FBXW7: variants seen among roughly 807,000 people sequenced by gnomAD.
FBXW7 encodes the protein F-box/WD repeat-containing protein 7.
Under a neutral mutation model 86.3 loss-of-function variants are expected in FBXW7, and 11 were observed. The ratio of observed to expected loss-of-function variants is 0.13; its 90% CI spans 0.08 to 0.21. The LOEUF (loss-of-function observed/expected upper bound fraction) is 0.21. FBXW7 is among the 10% of genes least tolerant of loss of function. FBXW7 has a pLI of 1.00. For synonymous variants in FBXW7, 313 were observed against 297.9 expected, an observed-to-expected ratio of 1.05 and a Z score of -0.52; for missense variants, 488 against 847.4, an observed-to-expected ratio of 0.58 and a Z score of 5.27.
intron 2 of FBXW7, among the ~76,000 whole-genome samples, chr4:152,455,882 T>C (rs1742355389): frequency 6.6e-6 from 1 of 152,132 alleles, no homozygotes; most frequent in Non-Finnish European, 1.5e-5. Context: ...ACCTGGACAA[T>C]CCTGGCTAAT....
intron 2 of FBXW7, among the ~76,000 whole-genome samples, chr4:152,518,557 G>A (rs1357907756): frequency 6.6e-6 from 1 of 152,120 alleles, no homozygotes; most frequent in Non-Finnish European, 1.5e-5. Context: ...TCAGCCTCTC[G>A]AGTAACTGGG....
At chr4:152,361,038 T>A (rs1732889873) in intron 4 of FBXW7, among the ~76,000 whole-genome samples, 1 of 151,970 alleles carries the variant, frequency 6.6e-6, no homozygotes. Flanking sequence ...TGAATCAAAG[T>A]CTGTGAATTC....
intron 2 of FBXW7, among the ~76,000 whole-genome samples, chr4:152,495,706 T>C (rs1323757259): frequency 6.6e-6 from 1 of 152,110 alleles, no homozygotes; most frequent in Non-Finnish European, 1.5e-5. Context: ...CTCCATACAT[T>C]AACACACACA....
At chr4:152,362,828 C>CAAAAAAAAAA (rs35796895) in intron 4 of FBXW7, among the ~76,000 whole-genome samples, 30 of 79,040 alleles carry the variant, frequency 3.8e-4, no homozygotes, top group Non-Finnish European at 5.6e-4. Context: ...CTCTCTCTCT[C>CAAAAAAAAAA]AAAAAAAAAA....
chr4:152,533,774 G>A (rs778701339), intron 2 of FBXW7, among the ~76,000 whole-genome samples: 12 of 152,132 alleles, frequency 7.9e-5, no homozygotes, highest in Non-Finnish European at 1.6e-4. Flanking sequence ...TAAACTTGCA[G>A]AACTCATTAC....
intron 4 of FBXW7, among the ~76,000 whole-genome samples, chr4:152,410,292 G>C (rs1369423516): frequency 6.6e-6 from 1 of 152,116 alleles, no homozygotes; most frequent in Non-Finnish European, 1.5e-5. Context: ...CAAGACTAGG[G>C]GGGCAAAAGG....
At chr4:152,332,068 A>G (rs1486344796) in intron 8 of FBXW7, among the ~76,000 whole-genome samples, 1 of 151,962 alleles carries the variant, frequency 6.6e-6, no homozygotes, top group Non-Finnish European at 1.5e-5. Flanking sequence ...TATTTTTTCA[A>G]AAATATTTTT....
intron 2 of FBXW7, among the ~76,000 whole-genome samples, chr4:152,449,352 T>A (rs550392399): frequency 1.2e-4 from 19 of 152,332 alleles, no homozygotes; most frequent in African/African-American, 4.3e-4. Context: ...TACAAATCTT[T>A]GAGGACTGAT....
Position 152,411,468 on chromosome 4 carries a change from A to C in FBXW7, c.336T>G (p.Asp112Glu), listed in dbSNP as rs1190157909. 15 of 1,612,942 alleles carry C rather than the reference A, an allele frequency of 9.3e-6. No homozygotes were observed. The Admixed American group carries it at 1.0e-4, about 11-fold the overall frequency. Residue 112 changes from aspartate (D) to glutamate (E), a missense_variant, in exon 4 of 14, where the codon GAT becomes GAG. Asp to Glu is a conservative substitution (Grantham distance 45). Around this residue, in one of 4 missense-constraint regions of FBXW7, gnomAD observed 230 missense variants for 240.0 expected, o/e 0.96. Transcript: ENST00000281708. ...CCTGGTCCATCTCCTCCTCCTCCTC[A>C]TCCTCCTCATCTTGTTCACCAGCAT... ...EEHAGEQDEEDEEEEEMDQES... is the reference protein window; with the variant it reads ...EEHAGEQDEEEEEEEEMDQES...
intron 2 of FBXW7, among the ~76,000 whole-genome samples, chr4:152,525,071 G>A (rs1749384620): frequency 6.6e-6 from 1 of 152,120 alleles, no homozygotes; most frequent in African/African-American, 2.4e-5. Context: ...TCATTATAAA[G>A]TCTTTTTTGA....
intron 2 of FBXW7, among the ~76,000 whole-genome samples, chr4:152,483,289 A>G (rs1157543402): frequency 6.6e-6 from 1 of 152,080 alleles, no homozygotes; most frequent in Non-Finnish European, 1.5e-5. Flanking sequence ...ATATGTTACA[A>G]ATATTTTTCT....
At chr4:152,387,618 A>AC (rs1254346757) in intron 4 of FBXW7, among the ~76,000 whole-genome samples, 2 of 151,504 alleles carry the variant, frequency 1.3e-5, no homozygotes, top group Non-Finnish European at 2.9e-5. Flanking sequence ...AAAAAAAAAA[A>AC]AAAAAACATC....
intron 4 of FBXW7, among the ~76,000 whole-genome samples, chr4:152,409,736 T>C (rs1560861529): frequency 6.6e-6 from 1 of 151,098 alleles, no homozygotes; most frequent in Non-Finnish European, 1.5e-5. Context: ...ACATCTATAC[T>C]GTACATGTGT....
intron 4 of FBXW7, among the ~76,000 whole-genome samples, chr4:152,353,367 T>C (rs1197875255): frequency 1.3e-5 from 2 of 152,236 alleles, no homozygotes; most frequent in Non-Finnish European, 2.9e-5. Context: ...ATCTAAGTTA[T>C]ATTTCAAACT....
chr4:152,352,891 C>A (rs774642439), intron 4 of FBXW7: 3 of 1,449,494 alleles, frequency 2.1e-6, no homozygotes, highest in Non-Finnish European at 2.7e-6. Flanking sequence ...CAGAATGGTG[C>A]AGTCCAGGAT....
At chr4:152,391,031 T>C (rs559764517) in intron 4 of FBXW7, among the ~76,000 whole-genome samples, 52 of 152,126 alleles carry the variant, frequency 3.4e-4, no homozygotes, top group African/African-American at 1.2e-3. Flanking sequence ...AGGGGGACAT[T>C]ATTTCCTATA....
intron 6 of FBXW7, among the ~76,000 whole-genome samples, chr4:152,341,326 G>C (rs764383124): frequency 2.6e-5 from 4 of 152,112 alleles, no homozygotes; most frequent in African/African-American, 9.7e-5. Context: ...GGCACACTCA[G>C]CTTCACAGCA....
chr4:152,351,340 G>A (rs1292670376), intron 4 of FBXW7, among the ~76,000 whole-genome samples: 2 of 152,120 alleles, frequency 1.3e-5, no homozygotes, highest in South Asian at 2.1e-4. Context: ...ACGACATTAG[G>A]GGCTAGAGGT....
At chr4:152,490,727 C>T (rs1366884675) in intron 2 of FBXW7, among the ~76,000 whole-genome samples, 2 of 152,032 alleles carry the variant, frequency 1.3e-5, no homozygotes, top group Non-Finnish European at 2.9e-5. Context: ...CCTGCACCTA[C>T]AATACCAATA....
Sources: allele counts gnomAD v4.1 joint callset (sites outside exome capture counted in the v4.1 genomes callset), GRCh38; gene constraint gnomAD v4.1.1; regional missense constraint gnomAD v4.1.1; transcripts MANE v1.5; gene names NCBI Gene and HGNC (gene_info 2026-07-23, HGNC 2026-07-21).